The following SPAG16 variants were observed in gnomAD, a reference collection of about 807,000 sequenced individuals.
SPAG16 encodes sperm-associated antigen 16 protein.
Under a neutral mutation model 80.4 loss-of-function variants are expected in SPAG16, and 86 were observed. The observed-to-expected ratio is 1.07, with a 90% CI of 0.90 to 1.28. The LOEUF (loss-of-function observed/expected upper bound fraction) is 1.28, where lower values mean the gene tolerates loss of function less well. SPAG16 is among the 50% of genes most tolerant of loss of function. The probability of loss-of-function intolerance (pLI) is 0.00; values close to 1 mark genes in which losing one functional copy is unlikely to be tolerated. For missense variants in SPAG16, 870 were observed against 765.3 expected, an observed-to-expected ratio of 1.14 and a Z score of -1.61; for synonymous variants, 294 against 265.9, an observed-to-expected ratio of 1.11 and a Z score of -1.03.
At chr2:213,401,718 T>C (rs2068319012) in intron 9 of SPAG16, among the ~76,000 whole-genome samples, 1 of 152,176 alleles carries the variant, frequency 6.6e-6, no homozygotes, top group Admixed American at 6.5e-5. Flanking sequence ...TTTATTTAAG[T>C]GTTTTCCACT....
chr2:213,363,911 C>A (rs886117487), intron 7 of SPAG16, among the ~76,000 whole-genome samples, 165 bp from the exon 8 acceptor site: 6 of 151,724 alleles, frequency 4.0e-5, no homozygotes, highest in Non-Finnish European at 5.9e-5. Flanking sequence ...ACTTAAAATT[C>A]TGTTTTTCTT....
intron 15 of SPAG16, among the ~76,000 whole-genome samples, chr2:214,387,966 T>C (rs1395611393): frequency 6.6e-6 from 1 of 152,020 alleles, no homozygotes; most frequent in Non-Finnish European, 1.5e-5. Context: ...ACCATAAGTT[T>C]TACATTTCTC....
chr2:213,506,771 A>G (rs1052438171), intron 10 of SPAG16, among the ~76,000 whole-genome samples: 1 of 152,252 alleles, frequency 6.6e-6, no homozygotes, highest in Non-Finnish European at 1.5e-5. Context: ...AATTAATTAA[A>G]AAGATCAGAA....
At chr2:214,029,267 G>A (rs561289132) in intron 13 of SPAG16, among the ~76,000 whole-genome samples, 1 of 152,100 alleles carries the variant, frequency 6.6e-6, no homozygotes, top group East Asian at 1.9e-4. Flanking sequence ...GATCAAGCAA[G>A]GAGCAGCAGG....
At chr2:213,678,687 G>A (rs994127839) in intron 10 of SPAG16, among the ~76,000 whole-genome samples, 2 of 152,126 alleles carry the variant, frequency 1.3e-5, no homozygotes, top group African/African-American at 4.8e-5. Flanking sequence ...ACTGCAGAAA[G>A]CTCACTTCCT....
intron 13 of SPAG16, among the ~76,000 whole-genome samples, chr2:214,104,587 A>G (rs766162514): frequency 7.5e-4 from 112 of 150,198 alleles, no homozygotes; most frequent in Non-Finnish European, 1.3e-3. Flanking sequence ...GGGAAGAAAA[A>G]GAGGTATTCT....
intron 8 of SPAG16, among the ~76,000 whole-genome samples, chr2:213,373,397 T>C (rs1351884367): frequency 1.3e-5 from 2 of 152,182 alleles, no homozygotes; most frequent in East Asian, 3.8e-4. Context: ...CAGTACCCTG[T>C]ACATTCTGCA....
chr2:214,385,222 A>C (rs542849210), intron 15 of SPAG16, among the ~76,000 whole-genome samples: 25 of 152,324 alleles, frequency 1.6e-4, no homozygotes, highest in African/African-American at 5.5e-4. Flanking sequence ...TATGCTCTTG[A>C]GAGTTAACTT....
intron 11 of SPAG16, among the ~76,000 whole-genome samples, chr2:213,900,078 C>T (rs941315807): frequency 4.6e-5 from 7 of 152,132 alleles, no homozygotes. Flanking sequence ...ATCAACAAAT[C>T]AATCCTCCTT....
chr2:213,335,851 A>T (rs566686754), intron 5 of SPAG16, among the ~76,000 whole-genome samples: 2,376 of 151,886 alleles, frequency 0.016, 25 homozygotes, highest in Non-Finnish European at 0.016. Context: ...GGTCATTTTT[A>T]AAAAAATAGG....
At chr2:214,020,978 G>C (rs1011553848) in intron 13 of SPAG16, among the ~76,000 whole-genome samples, 8 of 151,864 alleles carry the variant, frequency 5.3e-5, no homozygotes, top group African/African-American at 1.9e-4. Context: ...TGCCTTTTTT[G>C]TTTATTGTTA....
intron 10 of SPAG16, among the ~76,000 whole-genome samples, chr2:213,638,360 C>CTT (rs1201106375): frequency 6.6e-6 from 1 of 151,994 alleles, no homozygotes; most frequent in Non-Finnish European, 1.5e-5. Context: ...CTCTTTCAAA[C>CTT]TTTTTGATGT....
intron 15 of SPAG16, among the ~76,000 whole-genome samples, chr2:214,359,021 C>G (rs1343042867): frequency 6.6e-6 from 1 of 151,672 alleles, no homozygotes; most frequent in African/African-American, 2.4e-5. Context: ...AAGAAAGGAT[C>G]AGTTATTGAA....
intron 10 of SPAG16, among the ~76,000 whole-genome samples, chr2:213,638,551 T>G (rs2062459088): frequency 6.6e-6 from 1 of 152,180 alleles, no homozygotes; most frequent in South Asian, 2.1e-4. Context: ...TTTTCATGAT[T>G]TTGAGGGTTC....
Position 213,340,288 on chromosome 2 carries a change from G to A in SPAG16, c.644+18G>A. ...CTCAAAGGGTAAGCTTATACTTGTT[G>A]GCATATTTATTAAAGAGTTATTTAA... On this transcript the variant is annotated intron_variant, in intron 6 of 15. Transcript: ENST00000331683. 1 of 1,479,702 alleles carries A rather than the reference G, an allele frequency of 6.8e-7. No homozygotes were observed. Among genetic ancestry groups the A allele is most frequent in the Non-Finnish European group, 9.3e-7 (1 of 1,073,026 alleles). 91.7% of individuals were successfully genotyped at this position (1,479,702 alleles called of 1,614,324 possible).
At chr2:214,002,783 C>T (rs1451367642) in intron 12 of SPAG16, among the ~76,000 whole-genome samples, 2 of 152,154 alleles carry the variant, frequency 1.3e-5, no homozygotes, top group Non-Finnish European at 2.9e-5. Context: ...TATATTTATG[C>T]CCTCAATGGA....
At chr2:213,705,151 G>A (rs926386446) in intron 10 of SPAG16, among the ~76,000 whole-genome samples, 2 of 152,134 alleles carry the variant, frequency 1.3e-5, no homozygotes, top group African/African-American at 4.8e-5. Context: ...GGGAGGCTGA[G>A]GCAGGAGAAT....
At chr2:213,636,020 G>C (rs1285491433) in intron 10 of SPAG16, among the ~76,000 whole-genome samples, 1 of 152,104 alleles carries the variant, frequency 6.6e-6, no homozygotes, top group East Asian at 1.9e-4. Flanking sequence ...TGAACTCTTA[G>C]CCTAAGCCAA....
intron 14 of SPAG16, among the ~76,000 whole-genome samples, chr2:214,141,891 G>C (rs1291421968): frequency 1.3e-5 from 2 of 151,842 alleles, no homozygotes; most frequent in African/African-American, 4.8e-5. Flanking sequence ...TCAATATTTG[G>C]AGCGCAATTT....
Sources: allele counts gnomAD v4.1 joint callset (sites outside exome capture counted in the v4.1 genomes callset), GRCh38; gene constraint gnomAD v4.1.1; transcripts MANE v1.5; gene names NCBI Gene and HGNC (gene_info 2026-07-23, HGNC 2026-07-21).